XYLT1: variants seen among roughly 807,000 people sequenced by gnomAD.
XYLT1 encodes xylosyltransferase 1.
Under a neutral mutation model 91.3 loss-of-function variants are expected in XYLT1, and 36 were observed. The ratio of observed to expected loss-of-function variants is 0.39; its 90% CI spans 0.30 to 0.52. The LOEUF is 0.52. Among genes scored for constraint, XYLT1 ranks in the 20% least tolerant of loss-of-function variants. The pLI is 0.68. For missense variants in XYLT1, 1,242 were observed against 1,284.5 expected (o/e 0.97, Z 0.51); for synonymous variants, 588 against 532.0 (o/e 1.11, Z -1.45).
chr16:17,125,192 C>T (rs997706078), intron 10 of XYLT1, among the ~76,000 whole-genome samples: 1 of 152,122 alleles, frequency 6.6e-6, no homozygotes, highest in African/African-American at 2.4e-5. Flanking sequence ...TCCCACAGTG[C>T]CTGCAGGGGC....
intron 2 of XYLT1, among the ~76,000 whole-genome samples, chr16:17,345,298 A>G (rs941143186): frequency 6.6e-6 from 1 of 152,210 alleles, no homozygotes; most frequent in Non-Finnish European, 1.5e-5. Context: ...ACATCCTGGT[A>G]TTTCAACTCG....
At chr16:17,136,900 A>C (rs911710869) in intron 8 of XYLT1, among the ~76,000 whole-genome samples, 2 of 152,076 alleles carry the variant, frequency 1.3e-5, no homozygotes, top group African/African-American at 4.8e-5. Flanking sequence ...GGGCTCTGGG[A>C]ATCAGCACGT....
At chr16:17,157,576 C>T (rs979976076) in intron 6 of XYLT1, among the ~76,000 whole-genome samples, 1 of 152,016 alleles carries the variant, frequency 6.6e-6, no homozygotes, top group Non-Finnish European at 1.5e-5. Flanking sequence ...TTAAATGGGG[C>T]TATTAATTTT....
At chr16:17,184,469 G>T (rs1233239073) in intron 5 of XYLT1, among the ~76,000 whole-genome samples, 1 of 152,158 alleles carries the variant, frequency 6.6e-6, no homozygotes, top group African/African-American at 2.4e-5. Context: ...GGTAACAGTA[G>T]TATAATTCTC....
intron 1 of XYLT1, among the ~76,000 whole-genome samples, chr16:17,386,074 G>A (rs2035744695): frequency 6.6e-6 from 1 of 152,104 alleles, no homozygotes; most frequent in Non-Finnish European, 1.5e-5. Flanking sequence ...ATTTAGGGGG[G>A]AAAACCGGTA....
chr16:17,232,429 G>GTGTATATATATATATATATATATACA (rs1194509016), intron 3 of XYLT1, among the ~76,000 whole-genome samples: 2 of 121,736 alleles, frequency 1.6e-5, no homozygotes, highest in African/African-American at 6.1e-5. Flanking sequence ...GTGTGTGTGT[G>GTGTATATATATATATATATATATACA]TATATATATA....
intron 1 of XYLT1, among the ~76,000 whole-genome samples, chr16:17,407,063 G>A (rs1459911975): frequency 3.3e-5 from 5 of 152,054 alleles, no homozygotes; most frequent in Admixed American, 6.6e-5. Flanking sequence ...ATGCAGTGAC[G>A]CAATCTCGGC....
chr16:17,115,066 G>A (rs936362107), intron 11 of XYLT1, among the ~76,000 whole-genome samples: 2 of 152,020 alleles, frequency 1.3e-5, no homozygotes, highest in Admixed American at 6.6e-5. Flanking sequence ...GGATGGTCTC[G>A]ATCTCCTGAC....
At chr16:17,352,955 C>A (rs2035241999) in intron 2 of XYLT1, among the ~76,000 whole-genome samples, 1 of 152,164 alleles carries the variant, frequency 6.6e-6, no homozygotes, top group African/African-American at 2.4e-5. Flanking sequence ...TACATAGATA[C>A]AATTTCTCAA....
chr16:17,284,169 G>A (rs2034098727), intron 2 of XYLT1, among the ~76,000 whole-genome samples: 1 of 152,216 alleles, frequency 6.6e-6, no homozygotes, highest in African/African-American at 2.4e-5. Context: ...CAACAGTCCT[G>A]TTGCGAAGAT....
At chr16:17,237,901 G>A (rs138780670) in intron 3 of XYLT1, among the ~76,000 whole-genome samples, 14 of 152,308 alleles carry the variant, frequency 9.2e-5, no homozygotes, top group South Asian at 4.1e-4. Context: ...TGGTCCAGGC[G>A]TAAGGCTGGC....
At chr16:17,228,626 G>A (rs761915792) in intron 3 of XYLT1, among the ~76,000 whole-genome samples, 20 of 152,214 alleles carry the variant, frequency 1.3e-4, no homozygotes, top group African/African-American at 2.2e-4. Context: ...GCTTCTGATC[G>A]GTGGAGGCTT....
chr16:17,163,490 G>A (rs191066581), intron 5 of XYLT1, among the ~76,000 whole-genome samples: 4 of 152,298 alleles, frequency 2.6e-5, no homozygotes, highest in African/African-American at 9.6e-5. Context: ...AAAGCCAACT[G>A]CACCTCTCTG....
At chr16:17,284,693 G>T (rs2034108031) in intron 2 of XYLT1, among the ~76,000 whole-genome samples, 1 of 152,214 alleles carries the variant, frequency 6.6e-6, no homozygotes, top group East Asian at 1.9e-4. Context: ...GAGGCAGGGG[G>T]ATCACTTGAG....
chr16:17,450,817 T>C (rs1336697286), intron 1 of XYLT1, among the ~76,000 whole-genome samples: 2 of 152,054 alleles, frequency 1.3e-5, no homozygotes, highest in Non-Finnish European at 2.9e-5. Flanking sequence ...ATCTGCCATC[T>C]CTCTAGATCA....
intron 2 of XYLT1, among the ~76,000 whole-genome samples, chr16:17,269,905 G>A (rs1018543557): frequency 7.2e-5 from 11 of 151,784 alleles, no homozygotes; most frequent in African/African-American, 2.2e-4. Context: ...TCCGCCTCCC[G>A]GGTTCAAGCA....
intron 1 of XYLT1, among the ~76,000 whole-genome samples, chr16:17,441,998 G>C (rs2036537958): frequency 6.6e-6 from 1 of 152,136 alleles, no homozygotes; most frequent in African/African-American, 2.4e-5. Flanking sequence ...ATTTCTGGTT[G>C]AGATTAACAT....
intron 2 of XYLT1, among the ~76,000 whole-genome samples, chr16:17,356,372 C>A (rs1462785766): frequency 6.6e-6 from 1 of 152,094 alleles, no homozygotes; most frequent in Non-Finnish European, 1.5e-5. Context: ...AAACCGAATC[C>A]TTTTCCTCCT....
At chr16:17,187,783 T>C (rs1369593711) in intron 5 of XYLT1, among the ~76,000 whole-genome samples, 1 of 151,882 alleles carries the variant, frequency 6.6e-6, no homozygotes, top group African/African-American at 2.4e-5. Flanking sequence ...CACCATATTT[T>C]ATCACTTTAA....
Sources: allele counts gnomAD v4.1 joint callset (sites outside exome capture counted in the v4.1 genomes callset), GRCh38; gene constraint gnomAD v4.1.1; transcripts MANE v1.5; gene names NCBI Gene and HGNC (gene_info 2026-07-23, HGNC 2026-07-21).